The following SVEP1 variants were observed in gnomAD, a reference collection of about 807,000 sequenced individuals.
SVEP1 encodes the protein sushi, von Willebrand factor type A, EGF and pentraxin domain-containing protein 1.
SVEP1 carries 164 observed loss-of-function variants against 367.3 expected under a neutral mutation model. The ratio of observed to expected loss-of-function variants is 0.45; its 90% CI spans 0.39 to 0.51. The LOEUF is 0.51. SVEP1 is among the 20% of genes least tolerant of loss of function. The probability of loss-of-function intolerance (pLI) is 0.00; values close to 1 mark genes in which losing one functional copy is unlikely to be tolerated. For missense variants in SVEP1, 4,117 were observed against 4,425.3 expected, an observed-to-expected ratio of 0.93 and a Z score of 1.98; for synonymous variants, 1,666 against 1,611.6, an observed-to-expected ratio of 1.03 and a Z score of -0.81.
chr9:110,450,309 G>A, intron 23 of SVEP1, 49 bp from the exon 24 acceptor site: 2 of 1,584,986 alleles, frequency 1.3e-6, no homozygotes, highest in Non-Finnish European at 1.7e-6. Flanking sequence ...AACTCCCTGG[G>A]AACACTGTAA....
In SVEP1 at chr9:110,528,156, G is replaced by GTGTGTGTGTGTGTGTATATATATA; in HGVS notation, c.965-14051_965-14050insTATATATATACACACACACACACA. Among the ~76,000 whole-genome samples the GTGTGTGTGTGTGTGTATATATATA allele has an allele frequency of 8.5e-4, 29 of 33,944 alleles. 1 individual carries two copies. Among genetic ancestry groups the GTGTGTGTGTGTGTGTATATATATA allele is most frequent in the South Asian group, 3.9e-3 (4 of 1,030 alleles). The allele number at this position is 33,944 out of a possible 152,430, so 22.3% of individuals were successfully genotyped here. On this transcript the variant is annotated intron_variant, in intron 3 of 47. Transcript: ENST00000374469. ...CGTGTGTGTGTGTGTGTGTGTGTGT[G>GTGTGTGTGTGTGTGTATATATATA]TATATATATATATATATATATATAT...
At chr9:110,530,378 G>T (rs75837123) in intron 3 of SVEP1, among the ~76,000 whole-genome samples, 3,047 of 152,196 alleles carry the variant, frequency 0.02, 66 homozygotes, top group East Asian at 0.12. Flanking sequence ...GGACGTTAGG[G>T]ACATGTCTTC....
At chr9:110,491,439 T>C (rs541230194) in intron 8 of SVEP1, among the ~76,000 whole-genome samples, 1 of 152,156 alleles carries the variant, frequency 6.6e-6, no homozygotes, top group South Asian at 2.1e-4. Flanking sequence ...CCTGCCAATG[T>C]TTTATATTTT....
chr9:110,383,884 G>C (rs964353983), intron 43 of SVEP1, among the ~76,000 whole-genome samples: 2 of 152,104 alleles, frequency 1.3e-5, no homozygotes, highest in South Asian at 2.1e-4. Flanking sequence ...GTCTGGCCAC[G>C]ATCTGTCACA....
At chr9:110,537,989 A>C (rs1830099384) in intron 3 of SVEP1, among the ~76,000 whole-genome samples, 1 of 151,980 alleles carries the variant, frequency 6.6e-6, no homozygotes, top group Admixed American at 6.6e-5. Context: ...AGAGAAAGAT[A>C]AGATCTTATA....
At chr9:110,572,557 C>G (rs1295099258) in intron 1 of SVEP1, among the ~76,000 whole-genome samples, 1 of 152,056 alleles carries the variant, frequency 6.6e-6, no homozygotes, top group African/African-American at 2.4e-5. Context: ...ATTATTCACT[C>G]TCTCTTCAAA....
chr9:110,433,845 TATAA>T (rs1366060946), intron 30 of SVEP1, among the ~76,000 whole-genome samples: 1 of 152,066 alleles, frequency 6.6e-6, no homozygotes, highest in African/African-American at 2.4e-5. Context: ...TATTATTTAC[TATAA>T]ATAAATATTA....
chr9:110,371,865 TC>T (rs1564121129), intron 46 of SVEP1, among the ~76,000 whole-genome samples: 33 of 152,214 alleles, frequency 2.2e-4, no homozygotes, highest in African/African-American at 7.0e-4. Context: ...CCGCAATGAA[TC>T]TCTCTATTGT....
intron 18 of SVEP1, among the ~76,000 whole-genome samples, chr9:110,461,021 C>T (rs528417738): frequency 2.0e-5 from 3 of 152,184 alleles, no homozygotes; most frequent in African/African-American, 4.8e-5. Context: ...TTGTATTCGT[C>T]GGTCTGGAAA....
intron 9 of SVEP1, among the ~76,000 whole-genome samples, chr9:110,488,643 C>A (rs1320973267): frequency 2.0e-5 from 3 of 152,034 alleles, no homozygotes; most frequent in African/African-American, 7.2e-5. Flanking sequence ...GAGAGGATCA[C>A]TTGAGGCCAG....
rs1200790948 is a variant in SVEP1, at chr9:110,450,274, A to G, written c.3902-14T>C. Reference sequence around the variant, plus strand: ...CACAATGCAGGCCTGAGGATGGAGAAGGAAGAGAAACAGCCCAAATGATTA... The same window carrying G: ...CACAATGCAGGCCTGAGGATGGAGAGGGAAGAGAAACAGCCCAAATGATTA... On this transcript the variant is annotated splice_polypyrimidine_tract_variant and intron_variant, in intron 23 of 47. Coordinates refer to ENST00000374469, the MANE Select transcript of SVEP1 (RefSeq NM_153366.4). 1.2e-6 allele frequency: 2 copies of G among 1,613,176 alleles called. No homozygotes were observed. The highest frequency in any genetic ancestry group is 2.7e-5 in the African/African-American group (2 of 74,878).
intron 18 of SVEP1, among the ~76,000 whole-genome samples, chr9:110,463,390 A>G (rs1053864623): frequency 6.6e-6 from 1 of 152,150 alleles, no homozygotes; most frequent in Non-Finnish European, 1.5e-5. Context: ...TTAACAAACT[A>G]ATATACTTTG....
chr9:110,526,651 G>A (rs1026829637), intron 3 of SVEP1, among the ~76,000 whole-genome samples: 2 of 152,070 alleles, frequency 1.3e-5, no homozygotes, highest in Non-Finnish European at 2.9e-5. Context: ...TGCAACTACT[G>A]TGCAATCCCA....
chr9:110,374,487 T>C lies in SVEP1; in HGVS notation c.10600+881A>G, dbSNP rs1827320734. On this transcript the variant is annotated intron_variant, in intron 46 of 47. Transcript: ENST00000374469. ...CAACATGGTGAAACTCTGTCTCTAC[T>C]AAAAATAGAAAAATTAGCAGGGTAT... Among the ~76,000 whole-genome samples, 5 of 152,196 alleles carry C rather than the reference T, an allele frequency of 3.3e-5. No homozygotes were observed. The South Asian group carries it at 1.0e-3, about 32-fold the overall frequency.
intron 18 of SVEP1, among the ~76,000 whole-genome samples, chr9:110,461,718 A>T (rs1275117371): frequency 2.0e-5 from 3 of 152,316 alleles, no homozygotes; most frequent in Non-Finnish European, 4.4e-5. Context: ...CAATGAAGAG[A>T]TGGTAATTCA....
intron 47 of SVEP1, among the ~76,000 whole-genome samples, chr9:110,367,888 C>T (rs986121689): frequency 6.6e-6 from 1 of 152,146 alleles, no homozygotes. Context: ...CGAGACTAGC[C>T]TGGCCAACAT....
At chr9:110,401,931 A>C (rs537909622) in intron 39 of SVEP1, among the ~76,000 whole-genome samples, 1 of 152,256 alleles carries the variant, frequency 6.6e-6, no homozygotes, top group East Asian at 1.9e-4. Flanking sequence ...CTAAACCCTC[A>C]TTCTACATAT....
chr9:110,552,312 G>A (rs902598951), intron 1 of SVEP1, among the ~76,000 whole-genome samples: 3 of 151,994 alleles, frequency 2.0e-5, no homozygotes, highest in African/African-American at 7.2e-5. Context: ...TTACAGGCGT[G>A]AGCCACCACG....
chr9:110,542,965 T>TTA (rs55773620), intron 3 of SVEP1, among the ~76,000 whole-genome samples: 94,338 of 141,240 alleles, frequency 0.67, 32,202 homozygotes, highest in Middle Eastern at 0.77. Context: ...AAAGTATAAT[T>TTA]AAAAAAAAAT....
Sources: gnomAD v4.1 joint callset for allele counts (sites outside exome capture counted in the v4.1 genomes callset) on GRCh38, gnomAD v4.1.1 for gene constraint, MANE v1.5 for transcripts, NCBI Gene and HGNC (gene_info 2026-07-23, HGNC 2026-07-21) for gene names.